The following FOXP1 variants were observed in gnomAD, a reference collection of about 807,000 sequenced individuals.
FOXP1 encodes the protein forkhead box P1.
In FOXP1, 15 loss-of-function variants were observed where a neutral mutation model predicts 98.2. The observed-to-expected ratio is 0.15, with a 90% CI of 0.10 to 0.24. The LOEUF is 0.24. FOXP1 is among the 10% of genes least tolerant of loss of function. The pLI, the probability that FOXP1 is intolerant of heterozygous loss-of-function variation, is 1.00. For missense variants in FOXP1, 633 were observed against 848.5 expected (o/e 0.75, Z 3.15); for synonymous variants, 371 against 314.5 (o/e 1.18, Z -1.90).
At chr3:71,240,715 T>C (rs1471835050) in intron 5 of FOXP1, among the ~76,000 whole-genome samples, 1 of 151,392 alleles carries the variant, frequency 6.6e-6, no homozygotes, top group African/African-American at 2.4e-5. Flanking sequence ...CTAATTTTGT[T>C]TTTGTATTTT....
At chr3:71,229,021 A>T (rs2066070841) in intron 5 of FOXP1, among the ~76,000 whole-genome samples, 1 of 150,402 alleles carries the variant, frequency 6.6e-6, no homozygotes, top group South Asian at 2.1e-4. Context: ...TAATGAGCAG[A>T]CCTGTATTTT....
intron 2 of FOXP1, among the ~76,000 whole-genome samples, chr3:71,554,879 GATTTGT>G (rs2046016522): frequency 6.6e-6 from 1 of 152,130 alleles, no homozygotes; most frequent in Non-Finnish European, 1.5e-5. Flanking sequence ...TGGGTCCCCT[GATTTGT>G]ATATGCTTGG....
At chr3:71,322,174 T>C (rs2075427394) in intron 4 of FOXP1, among the ~76,000 whole-genome samples, 1 of 152,232 alleles carries the variant, frequency 6.6e-6, no homozygotes, top group Non-Finnish European at 1.5e-5. Context: ...TTCTGTACTA[T>C]ATGGAATAAA....
At chr3:71,452,534 G>A (rs1375361347) in intron 3 of FOXP1, among the ~76,000 whole-genome samples, 3 of 152,146 alleles carry the variant, frequency 2.0e-5, no homozygotes, top group African/African-American at 7.2e-5. Flanking sequence ...TGGGATAAAT[G>A]ATGAGATTCA....
chr3:71,389,262 G>GCC (rs2080857489), intron 3 of FOXP1, among the ~76,000 whole-genome samples: 1 of 75,636 alleles, frequency 1.3e-5, no homozygotes, highest in African/African-American at 5.2e-5. Flanking sequence ...GCCGGGGGGG[G>GCC]CGGGTTATAA....
chr3:71,012,846 A>G (rs2043852947), intron 12 of FOXP1, among the ~76,000 whole-genome samples: 1 of 152,192 alleles, frequency 6.6e-6, no homozygotes, highest in Non-Finnish European at 1.5e-5. Context: ...GTAAACCATC[A>G]AGCACCCAGA....
chr3:70,992,545 C>A (rs1216169824), intron 13 of FOXP1, among the ~76,000 whole-genome samples: 1 of 152,136 alleles, frequency 6.6e-6, no homozygotes, highest in Non-Finnish European at 1.5e-5. Context: ...AACTTAGTAC[C>A]AGTGAAAAAC....
chr3:71,447,029 G>A (rs1391137604), intron 3 of FOXP1, among the ~76,000 whole-genome samples: 1 of 152,216 alleles, frequency 6.6e-6, no homozygotes, highest in Non-Finnish European at 1.5e-5. Flanking sequence ...GCTTTGACAA[G>A]CCCCATCTAA....
chr3:71,407,263 A>G (rs1009403753), intron 3 of FOXP1, among the ~76,000 whole-genome samples: 2 of 151,880 alleles, frequency 1.3e-5, no homozygotes, highest in Non-Finnish European at 2.9e-5. Flanking sequence ...TCAGTAGTGT[A>G]TGTTTCACTG....
At chr3:71,402,368 T>C (rs2082007159) in intron 3 of FOXP1, among the ~76,000 whole-genome samples, 1 of 152,050 alleles carries the variant, frequency 6.6e-6, no homozygotes, top group Middle Eastern at 3.4e-3. Context: ...AGTGGGAGGA[T>C]CGCTTGAGCC....
chr3:71,529,586 T>A (rs7624274), intron 2 of FOXP1, among the ~76,000 whole-genome samples: 47,976 of 152,062 alleles, frequency 0.32, 8,963 homozygotes, highest in Non-Finnish European at 0.43. Context: ...AAGTTCTGAC[T>A]TCCAGAGAGG....
intron 2 of FOXP1, among the ~76,000 whole-genome samples, chr3:71,544,079 G>A (rs1197390020): frequency 6.6e-6 from 1 of 151,614 alleles, no homozygotes; most frequent in East Asian, 1.9e-4. Flanking sequence ...ACACATATAT[G>A]TGTGTATTTC....
intron 3 of FOXP1, among the ~76,000 whole-genome samples, chr3:71,368,055 A>G (rs2079042002): frequency 6.6e-6 from 1 of 152,200 alleles, no homozygotes; most frequent in Non-Finnish European, 1.5e-5. Context: ...CCCTCGACAA[A>G]TTACCCTGGT....
chr3:71,246,155 T>C (rs988526148), intron 5 of FOXP1, among the ~76,000 whole-genome samples: 1 of 151,894 alleles, frequency 6.6e-6, no homozygotes. Flanking sequence ...CTGAGAAGGC[T>C]TCCATATCTT....
At chr3:71,232,697 G>A (rs557725715) in intron 5 of FOXP1, among the ~76,000 whole-genome samples, 4 of 151,592 alleles carry the variant, frequency 2.6e-5, no homozygotes, top group African/African-American at 7.3e-5. Context: ...TCAGGAGTTC[G>A]AGACCAGTCT....
chr3:71,181,385 T>C (rs1446575120), intron 6 of FOXP1, among the ~76,000 whole-genome samples: 1 of 152,180 alleles, frequency 6.6e-6, no homozygotes, highest in African/African-American at 2.4e-5. Context: ...ATAAATTATT[T>C]AGCATATTCA....
chr3:71,131,532 T>C (rs2059571579), intron 6 of FOXP1, among the ~76,000 whole-genome samples: 1 of 152,120 alleles, frequency 6.6e-6, no homozygotes, highest in Non-Finnish European at 1.5e-5. Context: ...CTGTCTGTCA[T>C]CCAGGTGCTA....
At chr3:71,084,817 G>C (rs1415630335) in intron 7 of FOXP1, among the ~76,000 whole-genome samples, 1 of 152,096 alleles carries the variant, frequency 6.6e-6, no homozygotes, top group Non-Finnish European at 1.5e-5. Flanking sequence ...GGAATCGCTG[G>C]AGCCCAGGAG....
At chr3:71,310,603 G>A (rs73113421) in intron 4 of FOXP1, among the ~76,000 whole-genome samples, 16,632 of 152,164 alleles carry the variant, frequency 0.11, 1,093 homozygotes, top group Non-Finnish European at 0.15. Flanking sequence ...GGTCTTCCCC[G>A]ATTCCTGCCT....
Sources: gnomAD v4.1 joint callset for allele counts (sites outside exome capture counted in the v4.1 genomes callset) on GRCh38, gnomAD v4.1.1 for gene constraint, MANE v1.5 for transcripts, NCBI Gene and HGNC (gene_info 2026-07-23, HGNC 2026-07-21) for gene names.